The following CFAP20DC variants were observed in gnomAD, a reference collection of about 807,000 sequenced individuals.
CFAP20DC encodes the protein CFAP20 domain containing.
CFAP20DC carries 84 observed loss-of-function variants against 101.7 expected under a neutral mutation model. That is an observed-to-expected ratio of 0.83 (90% CI 0.69 to 0.99). The LOEUF (loss-of-function observed/expected upper bound fraction) is 0.99. Ranked by LOEUF, CFAP20DC falls within the 50% of genes least tolerant of loss-of-function variation. The pLI is 0.00. For missense variants in CFAP20DC, 1,007 were observed against 970.3 expected (o/e 1.04, Z -0.50); for synonymous variants, 359 against 351.2 (o/e 1.02, Z -0.25).
At chr3:59,041,515 G>A (rs2109252794) in intron 3 of CFAP20DC, among the ~76,000 whole-genome samples, 1 of 151,988 alleles carries the variant, frequency 6.6e-6, no homozygotes, top group Admixed American at 6.6e-5. Context: ...TTTTTCCAGT[G>A]GCTTAGTATA....
chr3:58,772,653 G>A (rs1327722689), intron 15 of CFAP20DC, among the ~76,000 whole-genome samples: 1 of 152,062 alleles, frequency 6.6e-6, no homozygotes, highest in Non-Finnish European at 1.5e-5. Flanking sequence ...ACTGTCTACA[G>A]CAACAAAGAG....
At chr3:58,983,498 C>G (rs1313825873) in intron 4 of CFAP20DC, among the ~76,000 whole-genome samples, 1 of 151,994 alleles carries the variant, frequency 6.6e-6, no homozygotes, top group Admixed American at 6.6e-5. Context: ...TATATATTTT[C>G]TATTTGAAAG....
intron 5 of CFAP20DC, among the ~76,000 whole-genome samples, chr3:58,921,903 ACT>A (rs1207899094): frequency 1.3e-5 from 2 of 152,138 alleles, no homozygotes; most frequent in African/African-American, 4.8e-5. Flanking sequence ...CACATTTAGC[ACT>A]GTTATATCTT....
chr3:58,966,512 A>G (rs551042238), intron 4 of CFAP20DC, among the ~76,000 whole-genome samples: 9 of 145,254 alleles, frequency 6.2e-5, no homozygotes, highest in South Asian at 2.1e-4. Context: ...GTGTGTGTGT[A>G]TATATATAAA....
chr3:58,983,838 A>T (rs1234863142), intron 4 of CFAP20DC, among the ~76,000 whole-genome samples: 1 of 152,212 alleles, frequency 6.6e-6, no homozygotes, highest in African/African-American at 2.4e-5. Context: ...GCACAAGGAC[A>T]CTAAGTAACC....
At chr3:58,907,739 T>C (rs924296662) in intron 6 of CFAP20DC, among the ~76,000 whole-genome samples, 4 of 152,282 alleles carry the variant, frequency 2.6e-5, no homozygotes, top group African/African-American at 4.8e-5. Flanking sequence ...AATATGATAA[T>C]AGCATTTTAC....
intron 15 of CFAP20DC, among the ~76,000 whole-genome samples, chr3:58,800,648 AATT>A (rs1322493737): frequency 6.6e-6 from 1 of 152,156 alleles, no homozygotes; most frequent in Non-Finnish European, 1.5e-5. Context: ...AACTATTATT[AATT>A]ATTATGTCTT....
chr3:58,802,434 G>A (rs944670258), intron 15 of CFAP20DC, among the ~76,000 whole-genome samples: 4 of 152,216 alleles, frequency 2.6e-5, no homozygotes, highest in Non-Finnish European at 4.4e-5. Flanking sequence ...TTGTCATAGA[G>A]GCTGTCAGTG....
intron 7 of CFAP20DC, among the ~76,000 whole-genome samples, chr3:58,881,180 G>A (rs1451863740): frequency 6.6e-6 from 1 of 152,156 alleles, no homozygotes; most frequent in Non-Finnish European, 1.5e-5. Flanking sequence ...TGTGCTAGGA[G>A]CTAGGGATGT....
intron 5 of CFAP20DC, among the ~76,000 whole-genome samples, chr3:58,931,764 A>C (rs1338719833): frequency 1.3e-5 from 2 of 152,152 alleles, no homozygotes; most frequent in Non-Finnish European, 2.9e-5. Context: ...GACACCAAAA[A>C]CCCATCTGTA....
At chr3:58,824,648 C>A in intron 14 of CFAP20DC, 1 of 152,078 alleles carries the variant, frequency 6.6e-6, no homozygotes, top group East Asian at 1.9e-4. Flanking sequence ...TTAATCAAGA[C>A]CATAAATAAC....
At chr3:58,796,697 T>TC (rs1490985565) in intron 15 of CFAP20DC, among the ~76,000 whole-genome samples, 1 of 152,086 alleles carries the variant, frequency 6.6e-6, no homozygotes, top group Non-Finnish European at 1.5e-5. Context: ...TTTATTGTGT[T>TC]TTGCTATATT....
intron 4 of CFAP20DC, among the ~76,000 whole-genome samples, chr3:58,948,158 G>T (rs1024708277): frequency 6.6e-6 from 1 of 152,224 alleles, no homozygotes; most frequent in African/African-American, 2.4e-5. Flanking sequence ...CATGACATGG[G>T]ACACTGGAGT....
chr3:59,043,671 A>G (rs1699611368), intron 3 of CFAP20DC, among the ~76,000 whole-genome samples: 1 of 152,018 alleles, frequency 6.6e-6, no homozygotes, highest in African/African-American at 2.4e-5. Flanking sequence ...TTCAAACATG[A>G]GCCTCCAACA....
intron 14 of CFAP20DC, among the ~76,000 whole-genome samples, chr3:58,818,214 A>T (rs1325229681): frequency 6.6e-6 from 1 of 152,098 alleles, no homozygotes; most frequent in Non-Finnish European, 1.5e-5. Context: ...CATCGAGACT[A>T]GAAAGAAACT....
intron 15 of CFAP20DC, among the ~76,000 whole-genome samples, chr3:58,804,089 T>A (rs186732588): frequency 6.6e-6 from 1 of 152,342 alleles, no homozygotes; most frequent in East Asian, 1.9e-4. Flanking sequence ...GACTGGTTTA[T>A]GAAGTAAAGG....
intron 15 of CFAP20DC, among the ~76,000 whole-genome samples, chr3:58,784,921 AC>A (rs1370108132): frequency 2.6e-5 from 4 of 152,146 alleles, no homozygotes; most frequent in Non-Finnish European, 4.4e-5. Flanking sequence ...CAGCAATCCC[AC>A]GACTGGGTAT....
intron 4 of CFAP20DC, among the ~76,000 whole-genome samples, chr3:58,979,235 T>C (rs763058095): frequency 1.3e-5 from 2 of 152,208 alleles, no homozygotes; most frequent in Non-Finnish European, 2.9e-5. Context: ...CAAATCATGG[T>C]TCTTCCACCC....
At chr3:58,940,008 C>T (rs767791414) in intron 4 of CFAP20DC, among the ~76,000 whole-genome samples, 18 of 152,148 alleles carry the variant, frequency 1.2e-4, no homozygotes, top group Non-Finnish European at 2.2e-4. Flanking sequence ...CTCAGGTGAT[C>T]GGCCCGCCTG....
Sources: allele counts gnomAD v4.1 joint callset (sites outside exome capture counted in the v4.1 genomes callset), GRCh38; gene constraint gnomAD v4.1.1; transcripts MANE v1.5; gene names NCBI Gene and HGNC (gene_info 2026-07-23, HGNC 2026-07-21).